FBXL20: variants seen among roughly 807,000 people sequenced by gnomAD.
The protein encoded by FBXL20 is F-box and leucine rich repeat protein 20.
FBXL20 carries 11 observed loss-of-function variants against 64.0 expected under a neutral mutation model. That is an observed-to-expected ratio of 0.17 (90% CI 0.11 to 0.28). FBXL20 has a LOEUF of 0.28. FBXL20 is among the 10% of genes least tolerant of loss of function. The probability of loss-of-function intolerance (pLI) is 1.00; values close to 1 mark genes in which losing one functional copy is unlikely to be tolerated. For synonymous variants in FBXL20, 184 were observed against 189.0 expected (o/e 0.97, Z 0.22); for missense variants, 303 against 526.2 (o/e 0.58, Z 4.15).
chr17:39,364,630 G>T (rs774276970), intron 1 of FBXL20, among the ~76,000 whole-genome samples: 9 of 152,158 alleles, frequency 5.9e-5, no homozygotes, highest in Admixed American at 5.2e-4. Context: ...AAGAAAAAAA[G>T]AATGTGGCAG....
At chr17:39,336,607 C>T (rs769744605) in intron 2 of FBXL20, among the ~76,000 whole-genome samples, 3 of 152,068 alleles carry the variant, frequency 2.0e-5, no homozygotes, top group Non-Finnish European at 2.9e-5. Flanking sequence ...GGGTAAATTA[C>T]GAGGTGAGGA....
chr17:39,287,465 T>C (rs2046999096), intron 6 of FBXL20, among the ~76,000 whole-genome samples: 2 of 152,122 alleles, frequency 1.3e-5, no homozygotes, highest in Admixed American at 6.6e-5. Context: ...TGGAATGCAG[T>C]GGCACTATCA....
chr17:39,299,335 A>G (rs1236452077), intron 4 of FBXL20, among the ~76,000 whole-genome samples: 1 of 152,130 alleles, frequency 6.6e-6, no homozygotes, highest in African/African-American at 2.4e-5. Flanking sequence ...ATAATGTTCT[A>G]TAGTTCTCTT....
In FBXL20 at chr17:39,393,569, T is replaced by A. The variant is rs1299833854; in HGVS notation, c.42+7792A>T. Among the ~76,000 whole-genome samples the A allele has an allele frequency of 2.0e-5, 3 of 152,306 alleles. No homozygotes were observed. The East Asian group carries it at 5.8e-4, about 29-fold the overall frequency. On this transcript the variant is annotated intron_variant, in intron 1 of 14. Transcript: ENST00000264658. ...ACATGGAATTGGATTTCCTTTTTTG[T>A]TTTGACCAGAAATTCCTGGGATCAA...
chr17:39,388,991 C>T (rs930522313), intron 1 of FBXL20, among the ~76,000 whole-genome samples: 3 of 148,668 alleles, frequency 2.0e-5, no homozygotes, highest in Non-Finnish European at 4.4e-5. Flanking sequence ...ATAATCCCAG[C>T]TACTAGGGAG....
chr17:39,391,615 C>G (rs968467865), intron 1 of FBXL20, among the ~76,000 whole-genome samples: 1 of 152,064 alleles, frequency 6.6e-6, no homozygotes, highest in Non-Finnish European at 1.5e-5. Flanking sequence ...TGACTCCCTT[C>G]GTAAAATCCT....
intron 2 of FBXL20, among the ~76,000 whole-genome samples, chr17:39,312,421 T>A (rs897305245): frequency 2.7e-5 from 4 of 149,338 alleles, no homozygotes; most frequent in Non-Finnish European, 5.9e-5. Context: ...CTCAAAAAAA[T>A]AAAAAGTAGT....
chr17:39,401,757 G>C, upstream of FBXL20: 1 of 1,067,512 alleles, frequency 9.4e-7, no homozygotes, highest in Non-Finnish European at 1.1e-6. Flanking sequence ...GCGCGGCGGC[G>C]GCGGCGCGAG....
At chr17:39,338,059 G>A (rs949378202) in intron 2 of FBXL20, among the ~76,000 whole-genome samples, 6 of 152,194 alleles carry the variant, frequency 3.9e-5, no homozygotes, top group African/African-American at 1.2e-4. Flanking sequence ...CATTGAGAAC[G>A]GGCCATGATG....
intron 9 of FBXL20, 147 bp from the exon 10 acceptor site, chr17:39,275,247 A>C: frequency 1.2e-6 from 1 of 826,268 alleles, no homozygotes; most frequent in Non-Finnish European, 1.8e-6. Flanking sequence ...CTAAAAGAAA[A>C]TGAACACACG....
At chr17:39,393,276 C>A (rs1015768591) in intron 1 of FBXL20, among the ~76,000 whole-genome samples, 1 of 151,154 alleles carries the variant, frequency 6.6e-6, no homozygotes, top group Non-Finnish European at 1.5e-5. Flanking sequence ...GCAAGAAGAG[C>A]GAAACTGTCT....
intron 2 of FBXL20, among the ~76,000 whole-genome samples, chr17:39,304,241 T>C (rs1184964721): frequency 1.3e-5 from 2 of 151,858 alleles, no homozygotes; most frequent in Non-Finnish European, 2.9e-5. Flanking sequence ...AAAAAAAAAT[T>C]CCCACCTAAA....
chr17:39,272,744 A>AAGAAAGAAAGAAAGAAAGAAAGAAAGAG (rs370181866), intron 10 of FBXL20, among the ~76,000 whole-genome samples: 7 of 150,756 alleles, frequency 4.6e-5, no homozygotes, highest in African/African-American at 1.2e-4. Flanking sequence ...GAAAGAAAGA[A>AAGAAAGAAAGAAAGAAAGAAAGAAAGAG]AAAGAAAGAA....
chr17:39,302,669 A>G (rs1295638724), intron 3 of FBXL20, among the ~76,000 whole-genome samples: 1 of 152,012 alleles, frequency 6.6e-6, no homozygotes, highest in East Asian at 1.9e-4. Context: ...CACTGCACGC[A>G]GCCCTAATTT....
chr17:39,319,256 A>AAG (rs908594885), intron 2 of FBXL20, among the ~76,000 whole-genome samples: 1 of 152,050 alleles, frequency 6.6e-6, no homozygotes, highest in African/African-American at 2.4e-5. Flanking sequence ...TCAAAAAAAA[A>AAG]AGAGAGAGAG....
rs149267496 is a variant in FBXL20, at chr17:39,338,936, G to A, written c.104+4244C>T. On this transcript the variant is annotated intron_variant, in intron 2 of 14. Coordinates refer to ENST00000264658, the MANE Select transcript of FBXL20 (RefSeq NM_032875.3). ...AATTCCAGTACTTTGGGAGGCTGAG[G>A]TGGACAGATCATTCAAGGTCAGGAG... Among the ~76,000 whole-genome samples the A allele has an allele frequency of 8.9e-4, 136 of 152,142 alleles. 1 individual carries two copies. The highest frequency in any genetic ancestry group is 3.4e-3 in the Middle Eastern group (1 of 294).
chr17:39,381,544 ATTGTGGGAGGCCGAAGCAGGCAGATAAC>A (rs2048023422), intron 1 of FBXL20, among the ~76,000 whole-genome samples: 2 of 151,506 alleles, frequency 1.3e-5, no homozygotes, highest in Non-Finnish European at 2.9e-5. Context: ...TAATCCCAAC[ATTGTGGGAGGCCGAAGCAGGCAGATAAC>A]TTGAGCCCAG....
intron 10 of FBXL20, among the ~76,000 whole-genome samples, chr17:39,273,583 T>A (rs1169316808): frequency 1.3e-5 from 2 of 151,692 alleles, no homozygotes; most frequent in East Asian, 2.0e-4. Flanking sequence ...AACCCAGCAC[T>A]TTGGGAGGCC....
chr17:39,401,672 G>A (rs2048246921), upstream of FBXL20: 1 of 1,237,636 alleles, frequency 8.1e-7, no homozygotes. Context: ...CCACCTGCCA[G>A]CAACGCCGCT....
Sources: allele counts gnomAD v4.1 joint callset (sites outside exome capture counted in the v4.1 genomes callset), GRCh38; gene constraint gnomAD v4.1.1; transcripts MANE v1.5; gene names NCBI Gene and HGNC (gene_info 2026-07-23, HGNC 2026-07-21).